The following ATP10A variants were observed in gnomAD, a reference collection of about 807,000 sequenced individuals.
ATP10A encodes the protein ATPase phospholipid transporting 10A (putative), also known as phospholipid-transporting ATPase VA.
ATP10A carries 111 observed loss-of-function variants against 147.8 expected under a neutral mutation model. The ratio of observed to expected loss-of-function variants is 0.75; its 90% CI spans 0.64 to 0.88. The LOEUF (loss-of-function observed/expected upper bound fraction) is 0.88, where lower values mean the gene tolerates loss of function less well. ATP10A is among the 40% of genes least tolerant of loss of function. The pLI is 0.00. For synonymous variants in ATP10A, 875 were observed against 841.6 expected, an observed-to-expected ratio of 1.04 and a Z score of -0.69; for missense variants, 1,927 against 1,959.0, an observed-to-expected ratio of 0.98 and a Z score of 0.31.
intron 1 of ATP10A, among the ~76,000 whole-genome samples, chr15:25,837,048 A>AATTC (rs1892628164): frequency 6.6e-6 from 1 of 152,224 alleles, no homozygotes; most frequent in Non-Finnish European, 1.5e-5. Flanking sequence ...CAGTCAAGCA[A>AATTC]ATTCACATAT....
intron 2 of ATP10A, among the ~76,000 whole-genome samples, chr15:25,766,351 T>C (rs1889022602): frequency 6.6e-6 from 1 of 152,110 alleles, no homozygotes; most frequent in Non-Finnish European, 1.5e-5. Context: ...GATTACAAGC[T>C]AGCAAATGTA....
intron 1 of ATP10A, among the ~76,000 whole-genome samples, chr15:25,832,499 TA>T (rs1470921632): frequency 6.6e-6 from 1 of 152,174 alleles, no homozygotes; most frequent in Non-Finnish European, 1.5e-5. Context: ...TCTTTATATT[TA>T]AGGTTGTCAA....
intron 1 of ATP10A, among the ~76,000 whole-genome samples, chr15:25,810,076 C>T (rs771056603): frequency 1.1e-4 from 16 of 152,122 alleles, no homozygotes; most frequent in Non-Finnish European, 2.1e-4. Context: ...AGGCTCATCA[C>T]CTAGCAACTA....
In ATP10A at chr15:25,737,084, T is replaced by C. The variant is rs1012318937; in HGVS notation, c.655-943A>G. 5.3e-5 allele frequency among the ~76,000 whole-genome samples: 8 copies of C among 152,304 alleles called. No homozygotes were observed. The South Asian group carries it at 6.2e-4, about 12-fold the overall frequency. ...ACTGTTTCCCAGTGTAAAGCGTACA[T>C]TAAAAGGGGCGTGTGCTAGATAATC... On this transcript the variant is annotated intron_variant, in intron 2 of 20. Transcript: ENST00000555815.
chr15:25,771,131 C>G (rs747824035), intron 2 of ATP10A, among the ~76,000 whole-genome samples: 1 of 152,154 alleles, frequency 6.6e-6, no homozygotes, highest in Non-Finnish European at 1.5e-5. Context: ...CCCCGTGTTG[C>G]AAGTGCTGGC....
chr15:25,818,216 T>G (rs984455501), intron 1 of ATP10A, among the ~76,000 whole-genome samples: 5 of 152,320 alleles, frequency 3.3e-5, no homozygotes, highest in African/African-American at 1.2e-4. Context: ...TAAAGTGATC[T>G]CTAAGGAAAC....
intron 1 of ATP10A, among the ~76,000 whole-genome samples, chr15:25,805,058 G>A (rs1891120922): frequency 2.0e-5 from 3 of 152,336 alleles, no homozygotes; most frequent in African/African-American, 7.2e-5. Context: ...GGCAGCCATG[G>A]TGAGCGGACG....
At chr15:25,835,152 C>T (rs900508025) in intron 1 of ATP10A, among the ~76,000 whole-genome samples, 1 of 152,078 alleles carries the variant, frequency 6.6e-6, no homozygotes, top group Non-Finnish European at 1.5e-5. Context: ...GCTTGTGCTT[C>T]CAGCTATACC....
At chr15:25,850,607 G>A (rs906690556) in intron 1 of ATP10A, among the ~76,000 whole-genome samples, 2 of 151,484 alleles carry the variant, frequency 1.3e-5, no homozygotes, top group Non-Finnish European at 2.9e-5. Context: ...TCCGGCGGCA[G>A]CGGACCCAGC....
At chr15:25,853,925 G>A (rs1893396920) in intron 1 of ATP10A, among the ~76,000 whole-genome samples, 1 of 146,146 alleles carries the variant, frequency 6.8e-6, no homozygotes. Flanking sequence ...CTGGGCAACA[G>A]AGTTAGACCC....
At chr15:25,850,992 C>T (rs1893272831) in intron 1 of ATP10A, among the ~76,000 whole-genome samples, 1 of 151,888 alleles carries the variant, frequency 6.6e-6, no homozygotes, top group Admixed American at 6.6e-5. Context: ...GTTTCCATGC[C>T]AGACATCACT....
At chr15:25,703,050 A>G (rs1218836106) in intron 12 of ATP10A, among the ~76,000 whole-genome samples, 1 of 152,160 alleles carries the variant, frequency 6.6e-6, no homozygotes, top group Non-Finnish European at 1.5e-5. Flanking sequence ...CGATGGGATC[A>G]GTGTCCTTAT....
intron 2 of ATP10A, among the ~76,000 whole-genome samples, chr15:25,758,966 A>T (rs1410448590): frequency 6.6e-6 from 1 of 152,082 alleles, no homozygotes; most frequent in Non-Finnish European, 1.5e-5. Flanking sequence ...CCGCCAAAGC[A>T]CTTACCCTGT....
rs138476646 is a variant in ATP10A, at chr15:25,683,347, T to A, written c.3431A>T (p.Asp1144Val). The change falls in exon 17 of 21, where the codon GAT becomes GTT. Residue 1144 changes from aspartate to valine, a missense_variant. By Grantham distance (152) the Asp-to-Val change is radical (BLOSUM62 -3). Transcript: ENST00000555815. ...PPLVTGVLDR[D>V]VPANVLLTNP... is the part of the protein sequence containing the mutation. ...GGTCAGCAGCACATTGGCTGGCACA[T>A]CCCTGTCCAGCACCCCAGTCACGAG... The A allele has an allele frequency of 9.9e-5, 159 of 1,613,994 alleles. No individual in the cohort carries two copies. In the African/African-American group the frequency reaches 1.7e-3, roughly 17 times the overall value.
At chr15:25,673,997 G>A (rs1243671901), downstream of ATP10A, among the ~76,000 whole-genome samples, 1 of 152,222 alleles carries the variant, frequency 6.6e-6, no homozygotes, top group Non-Finnish European at 1.5e-5. Flanking sequence ...GGGCCACGGA[G>A]TGTGATGGGA....
chr15:25,691,623 G>T lies in ATP10A; in HGVS notation c.3165+92C>A, dbSNP rs1368834939. 4 of 1,292,712 alleles carry T rather than the reference G, an allele frequency of 3.1e-6. No homozygotes were observed. In the Admixed American group the frequency reaches 5.1e-5, roughly 16 times the overall value. 80.1% of individuals were successfully genotyped at this position (1,292,712 alleles called of 1,614,324 possible). ...AAACCCTTTAGCCTCGTTCAGTAGA[G>T]CCCAGAGGAAGTCGGGGACAGCCCA... On this transcript the variant is annotated intron_variant, in intron 15 of 20. Transcript: ENST00000555815.
At chr15:25,757,269 A>G (rs556759791) in intron 2 of ATP10A, among the ~76,000 whole-genome samples, 40 of 152,144 alleles carry the variant, frequency 2.6e-4, no homozygotes, top group Admixed American at 7.9e-4. Context: ...ACATGTTTCT[A>G]GTAATTATAA....
chr15:25,727,994 C>A (rs923037706), intron 3 of ATP10A, among the ~76,000 whole-genome samples: 1 of 152,152 alleles, frequency 6.6e-6, no homozygotes, highest in African/African-American at 2.4e-5. Context: ...GCCTCATAAC[C>A]GGAACTGTAG....
At chr15:25,743,814 A>G (rs988959311) in intron 2 of ATP10A, among the ~76,000 whole-genome samples, 3 of 152,172 alleles carry the variant, frequency 2.0e-5, no homozygotes, top group Admixed American at 2.0e-4. Context: ...TTCTTAAGTC[A>G]CATTCCCTGA....
Sources: gnomAD v4.1 joint callset for allele counts (sites outside exome capture counted in the v4.1 genomes callset) on GRCh38, gnomAD v4.1.1 for gene constraint, MANE v1.5 for transcripts, NCBI Gene and HGNC (gene_info 2026-07-23, HGNC 2026-07-21) for gene names.